The following NEGR1 variants were observed in gnomAD, a reference collection of about 807,000 sequenced individuals.
NEGR1 encodes the protein neuronal growth regulator 1.
A neutral mutation model predicts 40.9 loss-of-function variants in NEGR1; 10 were observed. The observed-to-expected ratio is 0.24, with a 90% CI of 0.15 to 0.42. The LOEUF (loss-of-function observed/expected upper bound fraction) is 0.42. Ranked by LOEUF, NEGR1 falls within the 10% of genes least tolerant of loss-of-function variation. The pLI is 1.00. For missense variants in NEGR1, 352 were observed against 438.9 expected, an observed-to-expected ratio of 0.80 and a Z score of 1.77; for synonymous variants, 185 against 166.8, an observed-to-expected ratio of 1.11 and a Z score of -0.84.
At chr1:71,616,914 T>G (rs1650462677) in intron 4 of NEGR1, among the ~76,000 whole-genome samples, 1 of 152,194 alleles carries the variant, frequency 6.6e-6, no homozygotes, top group African/African-American at 2.4e-5. Flanking sequence ...ACAAGTTCTT[T>G]GTAACAGGTG....
At chr1:71,740,227 A>C (rs1435117809) in intron 3 of NEGR1, among the ~76,000 whole-genome samples, 2 of 152,204 alleles carry the variant, frequency 1.3e-5, no homozygotes, top group African/African-American at 4.8e-5. Context: ...TCTACGTCAC[A>C]ACCATTCTTC....
intron 1 of NEGR1, among the ~76,000 whole-genome samples, chr1:72,036,701 A>G (rs554407854): frequency 2.0e-5 from 3 of 151,992 alleles, no homozygotes; most frequent in African/African-American, 7.2e-5. Flanking sequence ...ATGGAAAATT[A>G]AAGATGTATA....
chr1:72,274,197 A>G (rs1655958859), intron 1 of NEGR1, among the ~76,000 whole-genome samples: 1 of 151,904 alleles, frequency 6.6e-6, no homozygotes, highest in African/African-American at 2.4e-5. Flanking sequence ...CTTTTCTCTC[A>G]TCAACTTTAT....
chr1:71,665,056 G>A (rs981278888), intron 4 of NEGR1, among the ~76,000 whole-genome samples: 6 of 151,944 alleles, frequency 3.9e-5, no homozygotes, highest in African/African-American at 1.4e-4. Context: ...TTTAATAACA[G>A]CATATCAAAT....
At chr1:72,025,577 G>A (rs1448149446) in intron 1 of NEGR1, among the ~76,000 whole-genome samples, 2 of 152,092 alleles carry the variant, frequency 1.3e-5, no homozygotes, top group Non-Finnish European at 2.9e-5. Flanking sequence ...TCCTAGCCCA[G>A]GCAGTAGCAT....
chr1:71,868,512 A>C (rs1442726595), intron 2 of NEGR1, among the ~76,000 whole-genome samples: 1 of 151,596 alleles, frequency 6.6e-6, no homozygotes, highest in Admixed American at 6.6e-5. Context: ...ACATACATAC[A>C]TACATGGATT....
intron 1 of NEGR1, among the ~76,000 whole-genome samples, chr1:72,135,105 G>A (rs1390457827): frequency 1.3e-5 from 2 of 150,246 alleles, no homozygotes; most frequent in African/African-American, 4.9e-5. Flanking sequence ...GGCCGGGCGT[G>A]GTGGCTCAGG....
rs77847015 is a variant in NEGR1, at chr1:71,688,839, T to C, written c.667+9169A>G. 7.5e-3 allele frequency among the ~76,000 whole-genome samples: 1,135 copies of C among 152,276 alleles called. 35 individuals carry two copies. Among genetic ancestry groups the C allele is most frequent in the East Asian group, 0.062 (319 of 5,178 alleles). ...GCCTTGCAGCAGTCATTCTTGTTGT[T>C]TTAAATGTATTATGACAAAGCTCAC... On this transcript the variant is annotated intron_variant, in intron 4 of 6. Transcript: ENST00000357731.
At chr1:71,872,714 G>T (rs1476042065) in intron 2 of NEGR1, among the ~76,000 whole-genome samples, 1 of 152,128 alleles carries the variant, frequency 6.6e-6, no homozygotes, top group African/African-American at 2.4e-5. Context: ...ACAGATAAAG[G>T]TTGGATTCAT....
At chr1:71,929,304 G>T (rs1319979631) in intron 2 of NEGR1, among the ~76,000 whole-genome samples, 1 of 152,014 alleles carries the variant, frequency 6.6e-6, no homozygotes, top group Admixed American at 6.6e-5. Flanking sequence ...TAAAGATAAA[G>T]ATATTTTGGG....
At chr1:72,080,292 T>G (rs913651780) in intron 1 of NEGR1, among the ~76,000 whole-genome samples, 5 of 152,112 alleles carry the variant, frequency 3.3e-5, no homozygotes, top group Non-Finnish European at 5.9e-5. Context: ...TTTGAATATA[T>G]TAAGCATTTA....
chr1:71,580,316 G>A (rs540677037), intron 6 of NEGR1, among the ~76,000 whole-genome samples: 2 of 150,616 alleles, frequency 1.3e-5, no homozygotes, highest in South Asian at 2.1e-4. Context: ...GTGGGGCATG[G>A]GGAGGGGGGA....
At chr1:71,941,446 A>T (rs1645958586) in intron 1 of NEGR1, among the ~76,000 whole-genome samples, 1 of 152,120 alleles carries the variant, frequency 6.6e-6, no homozygotes, top group Admixed American at 6.5e-5. Context: ...TTCCTAGATA[A>T]TAATATCACT....
chr1:71,662,007 C>T (rs2422018), intron 4 of NEGR1, among the ~76,000 whole-genome samples: 149,746 of 152,302 alleles, frequency 0.98, 73,659 homozygotes, highest in Middle Eastern at 1. Flanking sequence ...AATGAAATAA[C>T]ATATGTAGAG....
At position 72,110,470 on chromosome 1, in the gene NEGR1, T is replaced by G. The variant is rs184369986; in HGVS notation, c.176+171849A>C. On this transcript the variant is annotated intron_variant, in intron 1 of 6. Coordinates refer to ENST00000357731, the MANE Select transcript of NEGR1 (RefSeq NM_173808.3). ...TCTTTCTTAGGTTTGCCTGTTTATTTTATGGTAGCCATGGTAATTATCTGC... is the reference window on the plus strand; with the variant it reads ...TCTTTCTTAGGTTTGCCTGTTTATTGTATGGTAGCCATGGTAATTATCTGC... 1.2e-3 allele frequency among the ~76,000 whole-genome samples: 188 copies of G among 151,706 alleles called. 2 individuals carry two copies. Among genetic ancestry groups the G allele is most frequent in the East Asian group, 0.012 (62 of 5,132 alleles).
intron 1 of NEGR1, among the ~76,000 whole-genome samples, chr1:71,993,376 C>T (rs1355445348): frequency 1.3e-5 from 2 of 152,066 alleles, no homozygotes; most frequent in Non-Finnish European, 2.9e-5. Context: ...AGTTAGCCAC[C>T]GACTGGCAGT....
chr1:71,791,249 A>C (rs916303137), intron 2 of NEGR1, among the ~76,000 whole-genome samples: 1 of 152,088 alleles, frequency 6.6e-6, no homozygotes, highest in African/African-American at 2.4e-5. Flanking sequence ...ATAATATTAA[A>C]GTTAAATTAT....
intron 2 of NEGR1, among the ~76,000 whole-genome samples, chr1:71,929,974 G>A (rs563088184): frequency 6.0e-4 from 92 of 152,130 alleles, no homozygotes; most frequent in African/African-American, 2.2e-3. Context: ...ATAATCATTG[G>A]TAAGTATAAC....
chr1:72,186,092 A>G (rs886958269), intron 1 of NEGR1, among the ~76,000 whole-genome samples: 4 of 151,722 alleles, frequency 2.6e-5, no homozygotes, highest in African/African-American at 4.8e-5. Flanking sequence ...TAATTTGTCA[A>G]CCCTCAAATT....
Sources: allele counts gnomAD v4.1 joint callset (sites outside exome capture counted in the v4.1 genomes callset), GRCh38; gene constraint gnomAD v4.1.1; transcripts MANE v1.5; gene names NCBI Gene and HGNC (gene_info 2026-07-23, HGNC 2026-07-21).